LDAH: variants seen among roughly 807,000 people sequenced by gnomAD.
The protein encoded by LDAH is lipid droplet-associated hydrolase.
Under a neutral mutation model 29.6 loss-of-function variants are expected in LDAH, and 26 were observed. The ratio of observed to expected loss-of-function variants is 0.88; its 90% CI spans 0.64 to 1.22. The LOEUF (loss-of-function observed/expected upper bound fraction) is 1.22. LDAH is among the 50% of genes most tolerant of loss of function. LDAH has a pLI of 0.00. For missense variants in LDAH, 344 were observed against 387.3 expected (o/e 0.89, Z 0.94); for synonymous variants, 117 against 133.0 (o/e 0.88, Z 0.83).
In LDAH at chr2:20,774,792, C is replaced by CT; in HGVS notation, c.468+17dup. On this transcript the variant is annotated intron_variant, in intron 4 of 6. Transcript: ENST00000237822. ...CACACAGTCCAGCACCCACAGTTAC[C>CT]TCTGGAGACCTACTTACCGGGAGCT... The CT allele has an allele frequency of 6.2e-7, 1 of 1,611,954 alleles. No individual in the cohort carries two copies. Among genetic ancestry groups the CT allele is most frequent in the Non-Finnish European group, 8.5e-7 (1 of 1,179,644 alleles).
chr2:20,740,407 C>A (rs111248440), intron 4 of LDAH, among the ~76,000 whole-genome samples: 4,773 of 152,216 alleles, frequency 0.031, 254 homozygotes, highest in African/African-American at 0.11. Flanking sequence ...ATCCTGAGTG[C>A]AAGTGATCCT....
chr2:20,817,611 T>C (rs1672938015), intron 1 of LDAH, among the ~76,000 whole-genome samples: 1 of 152,144 alleles, frequency 6.6e-6, no homozygotes, highest in African/African-American at 2.4e-5. Flanking sequence ...TAAAGAAGTA[T>C]TAATTCACTA....
intron 6 of LDAH, among the ~76,000 whole-genome samples, chr2:20,695,457 T>TG (rs961754951): frequency 4.6e-5 from 7 of 150,658 alleles, no homozygotes; most frequent in African/African-American, 1.7e-4. Flanking sequence ...ACTCTTTCTT[T>TG]TTTTTTTTTT....
intron 3 of LDAH, among the ~76,000 whole-genome samples, chr2:20,776,838 T>C (rs935713791): frequency 6.6e-6 from 1 of 152,204 alleles, no homozygotes; most frequent in Admixed American, 6.5e-5. Context: ...TTTTTCAAAA[T>C]ATGCAGCATT....
At chr2:20,790,944 TA>T (rs950602325) in intron 2 of LDAH, among the ~76,000 whole-genome samples, 2 of 152,156 alleles carry the variant, frequency 1.3e-5, no homozygotes, top group African/African-American at 4.8e-5. Flanking sequence ...GATAGATCTG[TA>T]GGGGGGAAAT....
At chr2:20,726,876 C>T (rs886947777) in intron 5 of LDAH, among the ~76,000 whole-genome samples, 3 of 152,014 alleles carry the variant, frequency 2.0e-5, no homozygotes, top group Admixed American at 1.3e-4. Flanking sequence ...TTTAGACTGG[C>T]GTTAATTTTG....
At chr2:20,767,058 G>A (rs2124985133) in intron 4 of LDAH, among the ~76,000 whole-genome samples, 1 of 152,346 alleles carries the variant, frequency 6.6e-6, no homozygotes, top group East Asian at 1.9e-4. Context: ...ATCTGGGCGA[G>A]GGGGAGCTCC....
At chr2:20,821,781 A>T (rs1303586763) in intron 1 of LDAH, among the ~76,000 whole-genome samples, 2 of 152,224 alleles carry the variant, frequency 1.3e-5, no homozygotes, top group African/African-American at 4.8e-5. Context: ...AAAAATTAAA[A>T]AAAAGAAAGA....
intron 5 of LDAH, among the ~76,000 whole-genome samples, chr2:20,716,005 T>C (rs1311622726): frequency 6.6e-6 from 1 of 152,032 alleles, no homozygotes; most frequent in Non-Finnish European, 1.5e-5. Flanking sequence ...ATCAGAGAAA[T>C]GCAAATCAAA....
chr2:20,781,095 T>A (rs1192390737), intron 3 of LDAH, among the ~76,000 whole-genome samples: 7 of 152,202 alleles, frequency 4.6e-5, no homozygotes, highest in Admixed American at 3.3e-4. Flanking sequence ...AAAACCAGCA[T>A]GATTTCTAGC....
At chr2:20,710,585 GGTGTGT>G (rs376841719) in intron 5 of LDAH, among the ~76,000 whole-genome samples, 1 of 115,952 alleles carries the variant, frequency 8.6e-6, no homozygotes, top group African/African-American at 3.0e-5. Flanking sequence ...TATATATAGG[GGTGTGT>G]GTGTGTGTGT....
At chr2:20,711,902 G>T (rs1174063736) in intron 5 of LDAH, among the ~76,000 whole-genome samples, 1 of 152,248 alleles carries the variant, frequency 6.6e-6, no homozygotes, top group Non-Finnish European at 1.5e-5. Flanking sequence ...ACAGGGCAGA[G>T]CCCACTGCAG....
intron 3 of LDAH, among the ~76,000 whole-genome samples, chr2:20,779,073 G>A (rs1398923458): frequency 1.3e-5 from 2 of 152,136 alleles, no homozygotes; most frequent in Non-Finnish European, 2.9e-5. Flanking sequence ...GTAGGACTGA[G>A]TCTGCAGACA....
rs566190889 is a variant in LDAH, at chr2:20,791,259, T to G, written c.155-861A>C. On this transcript the variant is annotated intron_variant, in intron 2 of 6. Transcript: ENST00000237822. The stretch of plus-strand genomic sequence containing the variant: ...AGCCAGACTACCTGGGTTGGAATCT[T>G]GGCTTTGCCACTTACCAACTGTGTG... Among the ~76,000 whole-genome samples the G allele has an allele frequency of 2.6e-5, 4 of 152,330 alleles. No individual in the cohort carries two copies. The South Asian group carries it at 8.3e-4, about 32-fold the overall frequency.
At chr2:20,689,724 T>C (rs1266003681) in intron 6 of LDAH, among the ~76,000 whole-genome samples, 1 of 152,216 alleles carries the variant, frequency 6.6e-6, no homozygotes, top group African/African-American at 2.4e-5. Flanking sequence ...ACAGTCGCTA[T>C]GCAGTTACTC....
chr2:20,705,687 G>A (rs1196503086), intron 5 of LDAH, among the ~76,000 whole-genome samples: 2 of 152,114 alleles, frequency 1.3e-5, no homozygotes, highest in South Asian at 2.1e-4. Flanking sequence ...AAGAATAAAT[G>A]ATCAAAGACA....
At position 20,685,566 on chromosome 2, in the gene LDAH, C is replaced by T; in HGVS notation, c.*1337G>A. On this transcript the variant is annotated 3_prime_UTR_variant, in exon 7 of 7. Transcript: ENST00000237822. ...ACTTACCAATAAGTTGGCAGCAAAT[C>T]AGAGCCAAATCTTTCATCAGGGGGC... 1 of 1,550,412 alleles carries T rather than the reference C, an allele frequency of 6.4e-7. No homozygotes were observed. Among genetic ancestry groups the T allele is most frequent in the Admixed American group, 2.0e-5 (1 of 50,982 alleles).
At chr2:20,728,790 G>A (rs1200700556) in intron 5 of LDAH, among the ~76,000 whole-genome samples, 1 of 151,780 alleles carries the variant, frequency 6.6e-6, no homozygotes, top group Non-Finnish European at 1.5e-5. Context: ...TTTACCCAAG[G>A]TTACACACAC....
chr2:20,800,766 TG>T (rs1450505797), intron 2 of LDAH, among the ~76,000 whole-genome samples: 3 of 152,154 alleles, frequency 2.0e-5, no homozygotes, highest in African/African-American at 7.2e-5. Context: ...CCCGAGTAGC[TG>T]GGACTATAGG....
Sources: gnomAD v4.1 joint callset for allele counts (sites outside exome capture counted in the v4.1 genomes callset) on GRCh38, gnomAD v4.1.1 for gene constraint, MANE v1.5 for transcripts, NCBI Gene and HGNC (gene_info 2026-07-23, HGNC 2026-07-21) for gene names.